The following GLRA2 variants were observed in gnomAD, a reference collection of about 807,000 sequenced individuals.
The protein encoded by GLRA2 is glycine receptor alpha 2.
A neutral mutation model predicts 31.6 loss-of-function variants in GLRA2; 11 were observed. That is an observed-to-expected ratio of 0.35 (90% CI 0.22 to 0.58). The LOEUF (loss-of-function observed/expected upper bound fraction) is 0.58, where lower values mean the gene tolerates loss of function less well. Ranked by LOEUF, GLRA2 falls within the 20% of genes least tolerant of loss-of-function variation. The probability of loss-of-function intolerance (pLI) is 0.84; values close to 1 mark genes in which losing one functional copy is unlikely to be tolerated. For synonymous variants in GLRA2, 132 were observed against 134.0 expected, an observed-to-expected ratio of 0.99 and a Z score of 0.10; for missense variants, 212 against 351.8, an observed-to-expected ratio of 0.60 and a Z score of 3.18.
At chrX:14,712,050 A>G (rs2091719037) in intron 8 of GLRA2, among the ~76,000 whole-genome samples, 1 of 112,981 alleles carries the variant, frequency 8.9e-6, no homozygotes, top group Non-Finnish European at 1.9e-5. Context: ...ATTATAGAAA[A>G]AAATGCCATC....
At chrX:14,536,479 T>C (rs1320881313) in intron 2 of GLRA2, among the ~76,000 whole-genome samples, 2 of 112,103 alleles carry the variant, frequency 1.8e-5, no homozygotes, top group African/African-American at 6.5e-5. Flanking sequence ...AAGACCAAAA[T>C]GCTTGCAAGT....
intron 4 of GLRA2, among the ~76,000 whole-genome samples, chrX:14,600,060 A>G (rs979428390): frequency 9.0e-6 from 1 of 111,252 alleles, no homozygotes; most frequent in East Asian, 2.8e-4. Flanking sequence ...AGAAAAAAAA[A>G]CCCACTGAGT....
At chrX:14,629,948 T>TGG (rs1210645044) in intron 7 of GLRA2, among the ~76,000 whole-genome samples, 1 of 111,854 alleles carries the variant, frequency 8.9e-6, no homozygotes, top group Non-Finnish European at 1.9e-5. Context: ...ATTTTTATTA[T>TGG]TTTTGTCTAA....
the GLRA2 span, among the ~76,000 whole-genome samples, chrX:14,519,433 A>G: frequency 8.9e-6 from 1 of 111,911 alleles, no homozygotes; most frequent in South Asian, 3.7e-4. Context: ...TTCTAATGTC[A>G]TGTTTATCAT....
At chrX:14,730,149 T>C in intron 8 of GLRA2, 58 bp from the exon 9 acceptor site, 1 of 878,035 alleles carries the variant, frequency 1.1e-6, no homozygotes, top group Non-Finnish European at 1.7e-6. Flanking sequence ...ATTTTAAGCA[T>C]CTTCCATCTA....
At chrX:14,553,082 A>G (rs933283044) in intron 2 of GLRA2, among the ~76,000 whole-genome samples, 5 of 111,781 alleles carry the variant, frequency 4.5e-5, no homozygotes, top group Non-Finnish European at 7.5e-5. Flanking sequence ...TCAATCTTGG[A>G]GGGACAACCG....
At chrX:14,641,116 A>G (rs2090767526) in intron 7 of GLRA2, among the ~76,000 whole-genome samples, 1 of 111,344 alleles carries the variant, frequency 9.0e-6, no homozygotes, top group Admixed American at 9.6e-5. Flanking sequence ...CATGTTCCTA[A>G]CTACTAATGA....
chrX:14,524,576 T>C (rs2089181628), upstream of GLRA2, among the ~76,000 whole-genome samples: 1 of 112,104 alleles, frequency 8.9e-6, no homozygotes, highest in Non-Finnish European at 1.9e-5. Flanking sequence ...CTTCATATTT[T>C]CAAGTGGAGG....
intron 7 of GLRA2, among the ~76,000 whole-genome samples, chrX:14,668,966 G>T (rs1484534830): frequency 8.9e-6 from 1 of 112,039 alleles, no homozygotes; most frequent in African/African-American, 3.2e-5. Flanking sequence ...AGTCTCATCT[G>T]AGACAAGGCA....
chrX:14,521,231 G>A, the GLRA2 span, among the ~76,000 whole-genome samples: 1 of 112,474 alleles, frequency 8.9e-6, no homozygotes, highest in East Asian at 2.8e-4. Flanking sequence ...GTGAGGGAGG[G>A]TGTTTCCAGA....
At chrX:14,493,560 C>CATATAT in the GLRA2 span, among the ~76,000 whole-genome samples, 1 of 103,581 alleles carries the variant, frequency 9.7e-6, no homozygotes, top group African/African-American at 3.5e-5. Context: ...TACATATATA[C>CATATAT]ACATATATAC....
chrX:14,604,597 A>G, intron 5 of GLRA2, among the ~76,000 whole-genome samples, 200 bp downstream of exon 5: 1 of 104,222 alleles, frequency 9.6e-6, no homozygotes, highest in South Asian at 4.4e-4. Context: ...TGTGTGTCAT[A>G]CAAAATCTCA....
intron 8 of GLRA2, among the ~76,000 whole-genome samples, chrX:14,726,037 C>T (rs1027326290): frequency 1.8e-5 from 2 of 112,134 alleles, no homozygotes; most frequent in Non-Finnish European, 1.9e-5. Flanking sequence ...GAGTTTCTGG[C>T]TAATCAGAAG....
intron 7 of GLRA2, among the ~76,000 whole-genome samples, chrX:14,687,393 G>C (rs1259669757): frequency 8.9e-6 from 1 of 112,207 alleles, no homozygotes; most frequent in Non-Finnish European, 1.9e-5. Context: ...ATATCCTGAA[G>C]AGTGTTTTCC....
intron 7 of GLRA2, among the ~76,000 whole-genome samples, chrX:14,663,548 C>G (rs752215566): frequency 9.1e-6 from 1 of 109,908 alleles, no homozygotes; most frequent in South Asian, 3.8e-4. Flanking sequence ...CACAAAATAA[C>G]TGAAGACAAG....
At chrX:14,710,738 A>G (rs746813764) in intron 8 of GLRA2, among the ~76,000 whole-genome samples, 31 of 111,956 alleles carry the variant, frequency 2.8e-4, no homozygotes, top group Non-Finnish European at 4.3e-4. Flanking sequence ...CCATAGCAGG[A>G]CATAGCTTAT....
At chrX:14,614,877 G>A (rs770001134) in intron 7 of GLRA2, among the ~76,000 whole-genome samples, 31 of 111,663 alleles carry the variant, frequency 2.8e-4, no homozygotes, top group Non-Finnish European at 5.7e-4. Flanking sequence ...CAGGGAGAAT[G>A]CCACAGCACT....
At chrX:14,518,429 G>A in the GLRA2 span, among the ~76,000 whole-genome samples, 1 of 111,317 alleles carries the variant, frequency 9.0e-6, no homozygotes, top group East Asian at 2.8e-4. Context: ...ATATTATGCA[G>A]CATTATTATA....
intron 7 of GLRA2, among the ~76,000 whole-genome samples, chrX:14,689,117 T>C (rs2091313623): frequency 8.9e-6 from 1 of 111,772 alleles, no homozygotes; most frequent in African/African-American, 3.3e-5. Flanking sequence ...CATTTCCTAA[T>C]TGGGGCATCT....
Sources: allele counts gnomAD v4.1 joint callset (sites outside exome capture counted in the v4.1 genomes callset), GRCh38; gene constraint gnomAD v4.1.1; transcripts MANE v1.5; gene names NCBI Gene and HGNC (gene_info 2026-07-23, HGNC 2026-07-21).